BTLA: variants seen among roughly 807,000 people sequenced by gnomAD.
BTLA encodes the protein B- and T-lymphocyte attenuator.
A neutral mutation model predicts 25.0 loss-of-function variants in BTLA; 11 were observed. The observed-to-expected ratio is 0.44, with a 90% confidence interval of 0.28 to 0.73. BTLA has a LOEUF of 0.73. BTLA is among the 30% of genes least tolerant of loss of function. The pLI is 0.15. For synonymous variants in BTLA, 104 were observed against 119.8 expected, an observed-to-expected ratio of 0.87 and a Z score of 0.86; for missense variants, 282 against 332.8, an observed-to-expected ratio of 0.85 and a Z score of 1.19.
rs917551231 is a variant in BTLA, at chr3:112,465,909, T to C, written c.*199A>G. On this transcript the variant is annotated 3_prime_UTR_variant, in exon 5 of 5. Coordinates refer to ENST00000334529, the MANE Select transcript of BTLA (RefSeq NM_181780.4). ...GAGATTTTGTTATTCAAGGCTATAATATAAAAAGCTCCCAAATAAGTTTCT... is the reference window on the plus strand; with the variant it reads ...GAGATTTTGTTATTCAAGGCTATAACATAAAAAGCTCCCAAATAAGTTTCT... The C allele has an allele frequency of 2.0e-4, 97 of 480,530 alleles. No individual in the cohort carries two copies. The highest frequency in any genetic ancestry group is 3.2e-4 in the Non-Finnish European group (91 of 286,638). The allele number at this position is 480,530 out of a possible 1,614,324, so 29.8% of individuals were successfully genotyped here.
chr3:112,473,623 T>C (rs188203981), intron 2 of BTLA, among the ~76,000 whole-genome samples: 2 of 144,802 alleles, frequency 1.4e-5, no homozygotes. Flanking sequence ...TTTTTTTTTT[T>C]TTTTTTTTTG....
At chr3:112,478,266 A>G (rs2082299624) in intron 2 of BTLA, among the ~76,000 whole-genome samples, 1 of 152,138 alleles carries the variant, frequency 6.6e-6, no homozygotes, top group African/African-American at 2.4e-5. Context: ...TGAATACAGA[A>G]TGTCTTTGCA....
chr3:112,484,566 A>G (rs2082336076), intron 1 of BTLA, among the ~76,000 whole-genome samples: 1 of 152,234 alleles, frequency 6.6e-6, no homozygotes, highest in African/African-American at 2.4e-5. Context: ...TGAAACTACG[A>G]AACCACTTCT....
chr3:112,488,412 C>G (rs560018255), intron 1 of BTLA, among the ~76,000 whole-genome samples: 2 of 151,912 alleles, frequency 1.3e-5, no homozygotes, highest in Non-Finnish European at 2.9e-5. Flanking sequence ...TTAGTAGAGA[C>G]GGGGTTTTAC....
chr3:112,473,611 C>CTTTTTTT (rs777897332), intron 2 of BTLA, among the ~76,000 whole-genome samples: 40 of 115,152 alleles, frequency 3.5e-4, no homozygotes, highest in African/African-American at 4.1e-4. Flanking sequence ...TTTTCTTCTT[C>CTTTTTTT]TTTTTTTTTT....
intron 1 of BTLA, among the ~76,000 whole-genome samples, chr3:112,483,274 G>A (rs982994548): frequency 6.0e-5 from 9 of 149,366 alleles, no homozygotes; most frequent in Non-Finnish European, 8.9e-5. Flanking sequence ...TCAGCCTCCC[G>A]GGTAACTGGG....
At chr3:112,475,487 C>T (rs2082284309) in intron 2 of BTLA, among the ~76,000 whole-genome samples, 2 of 152,170 alleles carry the variant, frequency 1.3e-5, no homozygotes, top group African/African-American at 2.4e-5. Context: ...TGATCCTAAT[C>T]TCAGCCCCAA....
intron 1 of BTLA, among the ~76,000 whole-genome samples, chr3:112,482,425 C>T (rs999436233): frequency 6.6e-6 from 1 of 152,150 alleles, no homozygotes; most frequent in African/African-American, 2.4e-5. Context: ...AAATTTTGAC[C>T]CTGAGTTTCT....
intron 3 of BTLA, 138 bp downstream of exon 3, chr3:112,471,074 G>A: frequency 8.4e-7 from 1 of 1,195,766 alleles, no homozygotes; most frequent in Non-Finnish European, 1.1e-6. Flanking sequence ...AATATGAGTT[G>A]TCTTCTAGGA....
At chr3:112,473,242 G>C (rs1199538857) in intron 2 of BTLA, among the ~76,000 whole-genome samples, 1 of 151,956 alleles carries the variant, frequency 6.6e-6, no homozygotes, top group Non-Finnish European at 1.5e-5. Flanking sequence ...GAGGATTCCA[G>C]TGTTTGCACA....
At chr3:112,473,734 C>T (rs1194063986) in intron 2 of BTLA, among the ~76,000 whole-genome samples, 6 of 151,236 alleles carry the variant, frequency 4.0e-5, no homozygotes, top group African/African-American at 1.2e-4. Flanking sequence ...CCTGCTTCAG[C>T]CTCCTGAGTA....
At chr3:112,493,354 C>G (rs1323804699) in intron 1 of BTLA, among the ~76,000 whole-genome samples, 1 of 151,952 alleles carries the variant, frequency 6.6e-6, no homozygotes, top group Admixed American at 6.6e-5. Context: ...CTCATCAGAG[C>G]AAAAAGGCAA....
intron 4 of BTLA, among the ~76,000 whole-genome samples, chr3:112,469,001 C>T (rs982912483): frequency 2.0e-5 from 3 of 152,212 alleles, no homozygotes; most frequent in Admixed American, 6.5e-5. Context: ...GAAACACACA[C>T]ACACATCAAG....
intron 1 of BTLA, among the ~76,000 whole-genome samples, chr3:112,491,899 T>C (rs938781153): frequency 6.6e-6 from 1 of 152,158 alleles, no homozygotes; most frequent in African/African-American, 2.4e-5. Context: ...ATCTATATAA[T>C]AGAGAGAAGA....
intron 4 of BTLA, among the ~76,000 whole-genome samples, chr3:112,469,244 G>T (rs1007514416): frequency 6.6e-6 from 1 of 151,988 alleles, no homozygotes; most frequent in African/African-American, 2.4e-5. Flanking sequence ...CATACACATT[G>T]CCAGGGACCT....
chr3:112,487,449 G>C (rs944998865), intron 1 of BTLA, among the ~76,000 whole-genome samples: 3 of 152,140 alleles, frequency 2.0e-5, no homozygotes, highest in Non-Finnish European at 4.4e-5. Flanking sequence ...GCTGGGTATG[G>C]TGGCGCATGC....
intron 1 of BTLA, among the ~76,000 whole-genome samples, chr3:112,496,651 A>T (rs1195917870): frequency 6.6e-6 from 1 of 152,262 alleles, no homozygotes; most frequent in Non-Finnish European, 1.5e-5. Context: ...CTGGGAGAAC[A>T]AATTTCACCA....
intron 2 of BTLA, among the ~76,000 whole-genome samples, chr3:112,477,261 C>T (rs1183354168): frequency 1.3e-5 from 2 of 152,028 alleles, no homozygotes; most frequent in Non-Finnish European, 2.9e-5. Context: ...AACTGTTAGA[C>T]CACTTTCTAA....
rs537465832 is a variant in BTLA at position 112,494,115 on chromosome 3, A to T, written c.88+5156T>A. 3.4e-4 allele frequency among the ~76,000 whole-genome samples: 52 copies of T among 152,260 alleles called. 1 individual carries two copies. The South Asian group carries it at 0.01, about 30-fold the overall frequency. On this transcript the variant is annotated intron_variant, in intron 1 of 4. Transcript: ENST00000334529. ...ACAGAGCGACACTCTATCTCAAAAA[A>T]AAAAAGAAGACATTTATGCCACCAA... is the stretch of plus-strand genomic sequence containing the variant.
Sources: gnomAD v4.1 joint callset for allele counts (sites outside exome capture counted in the v4.1 genomes callset) on GRCh38, gnomAD v4.1.1 for gene constraint, MANE v1.5 for transcripts, NCBI Gene and HGNC (gene_info 2026-07-23, HGNC 2026-07-21) for gene names.